Variants in VAMP7 observed in about 807,000 individuals in gnomAD.
VAMP7 encodes the protein vesicle associated membrane protein 7, also known as vesicle-associated membrane protein 7.
A neutral mutation model predicts 29.6 loss-of-function variants in VAMP7; 14 were observed. That is an observed-to-expected ratio of 0.47 (90% CI 0.31 to 0.74). The LOEUF (loss-of-function observed/expected upper bound fraction) is 0.74, where lower values mean the gene tolerates loss of function less well. Among genes scored for constraint, VAMP7 ranks in the 30% least tolerant of loss-of-function variants. VAMP7 has a pLI of 0.05. For missense variants in VAMP7, 223 were observed against 262.4 expected, an observed-to-expected ratio of 0.85 and a Z score of 1.04; for synonymous variants, 95 against 88.1, an observed-to-expected ratio of 1.08 and a Z score of -0.44.
chrX:155,919,982 G>T (rs1209992500), intron 6 of VAMP7, 102 bp downstream of exon 6: 40 of 958,506 alleles, frequency 4.2e-5, no homozygotes, highest in Admixed American at 1.7e-4. Flanking sequence ...ATATTTGGTG[G>T]TTTTTTTTTC....
rs2065846565 is a variant in VAMP7 at position 155,884,755 on chromosome X, A to G, written c.-10+3307A>G. On this transcript the variant is annotated intron_variant, in intron 1 of 7. Transcript: ENST00000286448. ...TCTTATACATTTTTCAGTGTTATCA[A>G]AATACAAATGCAGAATTAAAAGATT... Among the ~76,000 whole-genome samples, 4 of 152,224 alleles carry G rather than the reference A, an allele frequency of 2.6e-5. No homozygotes were observed. The South Asian group carries it at 8.3e-4, about 32-fold the overall frequency.
intron 6 of VAMP7, 132 bp from the exon 7 acceptor site, chrX:155,939,569 C>T (rs939803473): frequency 6.9e-6 from 5 of 727,880 alleles, no homozygotes; most frequent in African/African-American, 1.7e-5. Flanking sequence ...GTATGAATGG[C>T]CAGTCTCTAC....
rs757451005 is a variant in VAMP7, at chrX:155,922,241, C to G, written c.501+2361C>G. Among the ~76,000 whole-genome samples, 10 of 151,972 alleles carry G rather than the reference C, an allele frequency of 6.6e-5. No homozygotes were observed. In the East Asian group the frequency reaches 1.7e-3, roughly 26 times the overall value. On this transcript the variant is annotated intron_variant, in intron 6 of 7. Transcript: ENST00000286448. ...TTTTATTTTCCTTCCCTTATTCTGGCTAGAACCTTCTACACAATACTGAAT... is the reference window on the plus strand; with the variant it reads ...TTTTATTTTCCTTCCCTTATTCTGGGTAGAACCTTCTACACAATACTGAAT...
intron 6 of VAMP7, among the ~76,000 whole-genome samples, chrX:155,938,283 C>A (rs1407027992): frequency 6.6e-6 from 1 of 152,080 alleles, no homozygotes; most frequent in African/African-American, 2.4e-5. Flanking sequence ...ATATTTAGCT[C>A]TAGATGTAAT....
chrX:155,929,449 C>G (rs1167101492), intron 6 of VAMP7, among the ~76,000 whole-genome samples: 1 of 152,044 alleles, frequency 6.6e-6, no homozygotes, highest in Admixed American at 6.6e-5. Context: ...AACAGTTGCC[C>G]CCCCTGGGCA....
intron 5 of VAMP7, among the ~76,000 whole-genome samples, chrX:155,914,058 C>G (rs1229439894): frequency 6.6e-6 from 1 of 152,098 alleles, no homozygotes; most frequent in African/African-American, 2.4e-5. Context: ...TTGTCATTCT[C>G]CTTGAAGAGG....
At chrX:155,889,743 C>T in intron 2 of VAMP7, 131 bp downstream of exon 2, 1 of 991,072 alleles carries the variant, frequency 1.0e-6, no homozygotes, top group Non-Finnish European at 1.4e-6. Context: ...GTAACCTTCA[C>T]CAACTTAGAA....
chrX:155,892,680 A>G (rs2065939119), intron 2 of VAMP7, among the ~76,000 whole-genome samples: 1 of 152,024 alleles, frequency 6.6e-6, no homozygotes, highest in South Asian at 2.1e-4. Context: ...CCGCAATCAG[A>G]CACTCTTTTT....
chrX:155,929,327 T>G (rs1419785664), intron 6 of VAMP7, among the ~76,000 whole-genome samples: 1 of 152,178 alleles, frequency 6.6e-6, no homozygotes, highest in African/African-American at 2.4e-5. Context: ...TACCAAGAAT[T>G]TACATTAAAA....
chrX:155,941,568 T>C (rs1326245139), intron 7 of VAMP7, among the ~76,000 whole-genome samples: 1 of 152,150 alleles, frequency 6.6e-6, no homozygotes, highest in Admixed American at 6.5e-5. Context: ...TTATGACTTG[T>C]TAATGACACA....
In VAMP7 at chrX:155,942,257, G is replaced by C. The variant is rs2066756804; in HGVS notation, c.*306G>C. The C allele has an allele frequency of 3.1e-6, 4 of 1,281,312 alleles. No individual in the cohort carries two copies. The East Asian group carries it at 1.0e-4, about 32-fold the overall frequency. 79.4% of individuals were successfully genotyped at this position (1,281,312 alleles called of 1,614,324 possible). On this transcript the variant is annotated 3_prime_UTR_variant, in exon 8 of 8. Transcript: ENST00000286448. ...ACATTTTTGTTTTTAATTGCTCAAA[G>C]CTGTCGCCGCTAGTCTTATGAGCTA...
In VAMP7 at chrX:155,895,639, A is replaced by G. The variant is rs766928340; in HGVS notation, c.163A>G (p.Ile55Val). ...YSHGNYLFHY[I>V]CQDRIVYLCI... ...ATTCTACAGTTATTTGTTTCATTAC[A>G]TCTGCCAAGACAGGATTGTATATCT... is the stretch of plus-strand genomic sequence containing the variant. The change falls in exon 3 of 8, where the codon ATC becomes GTC. Residue 55 changes from isoleucine (I) to valine (V), a missense_variant. Transcript: ENST00000286448. 1.2e-6 allele frequency: 2 copies of G among 1,610,588 alleles called. No homozygotes were observed. The highest frequency in any genetic ancestry group is 1.1e-5 in the South Asian group (1 of 90,870).
intron 5 of VAMP7, among the ~76,000 whole-genome samples, chrX:155,908,456 G>T (rs2066183436): frequency 6.6e-6 from 1 of 152,126 alleles, no homozygotes; most frequent in African/African-American, 2.4e-5. Flanking sequence ...GGAGAATCAG[G>T]CAGGGAGGTT....
Position 155,942,498 on chromosome X carries a change from T to G in VAMP7, c.*547T>G. 4.1e-6 allele frequency: 1 copy of G among 246,680 alleles called. No homozygotes were observed. The highest frequency in any genetic ancestry group is 5.0e-5 in the Admixed American group (1 of 20,154). The allele number at this position is 246,680 out of a possible 1,614,324, so 15.3% of individuals were successfully genotyped here. On this transcript the variant is annotated 3_prime_UTR_variant, in exon 8 of 8. Transcript: ENST00000286448. ...AAGTAAAGTATGAAACATTCTTATT[T>G]CAGTTAGATGGGGAACATTTTGCTA...
chrX:155,910,927 GC>G (rs1337127913), intron 5 of VAMP7, among the ~76,000 whole-genome samples: 2 of 152,102 alleles, frequency 1.3e-5, no homozygotes, highest in Non-Finnish European at 2.9e-5. Flanking sequence ...CTGTGCAAAA[GC>G]TTTTTTGTTT....
chrX:155,932,631 A>G (rs755679775), intron 6 of VAMP7, among the ~76,000 whole-genome samples: 61 of 152,292 alleles, frequency 4.0e-4, no homozygotes, highest in African/African-American at 1.4e-3. Context: ...TTTTCTAGAT[A>G]TACAATCATG....
rs1404000362 is a variant in VAMP7, at chrX:155,942,175, T to C, written c.*224T>C. ...GAACCATTCATTGCAGCAGTAGCCT[T>C]AAAAAGGCTTTTGTTTATTTCTTTG... On this transcript the variant is annotated 3_prime_UTR_variant, in exon 8 of 8. Transcript: ENST00000286448. 6.5e-7 allele frequency: 1 copy of C among 1,538,562 alleles called. No individual in the cohort carries two copies. Among genetic ancestry groups the C allele is most frequent in the East Asian group, 2.5e-5 (1 of 40,750 alleles).
intron 4 of VAMP7, among the ~76,000 whole-genome samples, chrX:155,898,552 C>A (rs1556329315): frequency 6.6e-6 from 1 of 151,972 alleles, no homozygotes; most frequent in African/African-American, 2.4e-5. Context: ...GCCAAATGAT[C>A]TTTTAAACTA....
chrX:155,931,987 T>C (rs757057275), intron 6 of VAMP7, among the ~76,000 whole-genome samples: 2 of 152,308 alleles, frequency 1.3e-5, no homozygotes, highest in Non-Finnish European at 2.9e-5. Flanking sequence ...TTTCTTCTTT[T>C]TGTCAGGTTT....
Sources: allele counts gnomAD v4.1 joint callset (sites outside exome capture counted in the v4.1 genomes callset), GRCh38; gene constraint gnomAD v4.1.1; transcripts MANE v1.5; gene names NCBI Gene and HGNC (gene_info 2026-07-23, HGNC 2026-07-21).